TIA1: variants seen among roughly 807,000 people sequenced by gnomAD.
TIA1 encodes TIA1 cytotoxic granule associated RNA binding protein, also known as cytotoxic granule associated RNA binding protein TIA1.
Under a neutral mutation model 65.9 loss-of-function variants are expected in TIA1, and 23 were observed. The observed-to-expected ratio is 0.35, with a 90% CI of 0.25 to 0.49. The LOEUF is 0.49. TIA1 is among the 20% of genes least tolerant of loss of function. The pLI, the probability that TIA1 is intolerant of heterozygous loss-of-function variation, is 0.98. For missense variants in TIA1, 371 were observed against 477.9 expected (o/e 0.78, Z 2.09); for synonymous variants, 147 against 149.4 (o/e 0.98, Z 0.12).
At chr2:70,232,208 C>CAAAAAA (rs11427986) in intron 2 of TIA1, among the ~76,000 whole-genome samples, 2 of 63,908 alleles carry the variant, frequency 3.1e-5, no homozygotes, top group African/African-American at 6.6e-5. Flanking sequence ...GACTCTGTCT[C>CAAAAAA]AAAAAAAAAA....
intron 1 of TIA1, among the ~76,000 whole-genome samples, chr2:70,247,348 G>A (rs1316589599): frequency 6.6e-6 from 1 of 152,114 alleles, no homozygotes; most frequent in African/African-American, 2.4e-5. Flanking sequence ...CAATTACATC[G>A]TACTTCAGAG....
At chr2:70,238,429 C>G (rs929467053) in intron 1 of TIA1, among the ~76,000 whole-genome samples, 3 of 151,418 alleles carry the variant, frequency 2.0e-5, no homozygotes, top group Non-Finnish European at 1.5e-5. Context: ...CGCCACCACG[C>G]CCAGCTAATT....
chr2:70,220,170 G>C (rs1163929048), intron 7 of TIA1, among the ~76,000 whole-genome samples: 2 of 152,106 alleles, frequency 1.3e-5, no homozygotes, highest in East Asian at 3.8e-4. Flanking sequence ...CAGCACTTGG[G>C]AGGCCGAGGC....
chr2:70,242,424 G>A (rs1208567599), intron 1 of TIA1, among the ~76,000 whole-genome samples: 8 of 139,302 alleles, frequency 5.7e-5, no homozygotes, highest in Non-Finnish European at 1.2e-4. Context: ...ACCTGAACCC[G>A]GGAAGTGGAG....
rs1411030920 is a variant in TIA1, at chr2:70,224,092, A to G, written c.474+462T>C. Among the ~76,000 whole-genome samples the G allele has an allele frequency of 2.6e-5, 4 of 151,778 alleles. No individual in the cohort carries two copies. The East Asian group carries it at 7.8e-4, about 29-fold the overall frequency. ...GCCACCACGCCCGGATAATTTTTGT[A>G]TTTTTAGTAGAAACAGGGTTTCACC... On this transcript the variant is annotated intron_variant, in intron 7 of 12. Coordinates refer to ENST00000433529, the MANE Select transcript of TIA1 (RefSeq NM_022173.4).
At chr2:70,217,052 C>T in intron 7 of TIA1, 58 bp from the exon 8 acceptor site, 1 of 1,500,186 alleles carries the variant, frequency 6.7e-7, no homozygotes, top group Non-Finnish European at 8.9e-7. Context: ...TGTTAAACAA[C>T]TCTTAGCAGT....
chr2:70,230,925 A>AG (rs894853649), intron 2 of TIA1, 71 bp from the exon 3 acceptor site: 27 of 1,251,202 alleles, frequency 2.2e-5, no homozygotes, highest in Non-Finnish European at 2.7e-5. Flanking sequence ...ATGTAAAAAA[A>AG]AAAATCTTAA....
Position 70,216,494 on chromosome 2 carries a change from T to A in TIA1, c.589A>T (p.Thr197Ser), listed in dbSNP as rs1443782433. Residue 197 changes from threonine to serine, a missense_variant, in exon 9 of 13, where the codon ACC (threonine) becomes TCC (serine). Transcript: ENST00000433529. ...PAPKSTYESN[T>S]KQLSYDEVVN... ...ACCTCATCATATGATAGCTGTTTGG[T>A]ATTTGCTGGTGAGAGAAAAGGTTTA... is the stretch of plus-strand genomic sequence containing the variant. The A allele has an allele frequency of 6.2e-7, 1 of 1,612,826 alleles. No individual in the cohort carries two copies. Among genetic ancestry groups the A allele is most frequent in the African/African-American group, 1.3e-5 (1 of 74,878 alleles).
At chr2:70,224,716 T>C in intron 6 of TIA1, 87 bp from the exon 7 acceptor site, 1 of 1,541,936 alleles carries the variant, frequency 6.5e-7, no homozygotes, top group Non-Finnish European at 8.8e-7. Context: ...CATTCTCATG[T>C]TTCACCTTCA....
At chr2:70,230,667 AGTGTT>A in intron 3 of TIA1, 84 bp downstream of exon 3, 1 of 1,036,992 alleles carries the variant, frequency 9.6e-7, no homozygotes, top group Non-Finnish European at 1.4e-6. Context: ...AAAAAAAAAA[AGTGTT>A]TAATGTTTCT....
At position 70,212,726 on chromosome 2, in the gene TIA1, G is replaced by T. The variant is rs777946206; in HGVS notation, c.1154C>A (p.Thr385Asn). The T allele has an allele frequency of 4.3e-6, 7 of 1,609,292 alleles. No individual in the cohort carries two copies. The highest frequency in any genetic ancestry group is 6.0e-6 in the Non-Finnish European group (7 of 1,175,648). ...AGATTCTGGAGTCCTTATTCACTGG[G>T]TTTCATACCCTGCCACTCGATACCC... ...PSGYRVAGYE[T>N]Q Residue 385 changes from threonine (T) to asparagine (N), a missense_variant, in exon 13 of 13, where the codon ACC (threonine) becomes AAC (asparagine). Physicochemically the swap from Thr to Asn is moderately conservative, Grantham distance 65. Transcript: ENST00000433529.
intron 2 of TIA1, among the ~76,000 whole-genome samples, chr2:70,235,731 T>A (rs1688609246): frequency 6.6e-6 from 1 of 152,222 alleles, no homozygotes; most frequent in Non-Finnish European, 1.5e-5. Context: ...AGAGCTGAAT[T>A]TATTAGCCAA....
Position 70,212,142 on chromosome 2 carries a change from T to C in TIA1, c.*577A>G. On this transcript the variant is annotated 3_prime_UTR_variant, in exon 13 of 13. Coordinates refer to ENST00000433529, the MANE Select transcript of TIA1 (RefSeq NM_022173.4). ...CAGAACTTTAATAAGGCAAGACAAA[T>C]TTGTGAAAAAAGATGTAGATACAAA... The C allele has an allele frequency of 6.6e-6, 1 of 152,520 alleles. No individual in the cohort carries two copies. The highest frequency in any genetic ancestry group is 1.5e-5 in the Non-Finnish European group (1 of 68,024). The allele number at this position is 152,520 out of a possible 1,614,324, so 9.4% of individuals were successfully genotyped here.
In TIA1 at chr2:70,248,431, G is replaced by C; in HGVS notation, c.-1C>G. ...GAGTCTTGGGCATCTCGTCCTCCAT[G>C]GCTGCTGCTGTCGCGGCGGCGCCTC... is the stretch of plus-strand genomic sequence containing the variant. On this transcript the variant is annotated 5_prime_UTR_variant, in exon 1 of 13. Coordinates refer to ENST00000433529, the MANE Select transcript of TIA1 (RefSeq NM_022173.4). 6.2e-7 allele frequency: 1 copy of C among 1,600,790 alleles called. No individual in the cohort carries two copies.
At chr2:70,229,170 C>G in intron 4 of TIA1, 79 bp from the exon 5 acceptor site, 4 of 1,601,906 alleles carry the variant, frequency 2.5e-6, no homozygotes, top group Non-Finnish European at 3.4e-6. Context: ...ACGATCAAAA[C>G]ATTACTGCAA....
At chr2:70,237,265 G>A (rs1461859469) in intron 1 of TIA1, among the ~76,000 whole-genome samples, 1 of 152,130 alleles carries the variant, frequency 6.6e-6, no homozygotes, top group Non-Finnish European at 1.5e-5. Flanking sequence ...AGCCAGGCAT[G>A]GTGGTGCACA....
intron 7 of TIA1, among the ~76,000 whole-genome samples, chr2:70,222,663 C>A (rs1308381632): frequency 1.3e-5 from 2 of 152,186 alleles, no homozygotes; most frequent in Non-Finnish European, 2.9e-5. Flanking sequence ...CGCCTGTAAT[C>A]CCAGCACTCT....
At chr2:70,228,795 A>T (rs1420182496) in intron 5 of TIA1, 2 of 1,365,354 alleles carry the variant, frequency 1.5e-6, no homozygotes, top group African/African-American at 2.9e-5. Context: ...TCAAGAAAGG[A>T]GGGTATTTTG....
At chr2:70,248,315 G>C (rs779053256) in intron 1 of TIA1, 90 bp downstream of exon 1, 159 of 1,440,480 alleles carry the variant, frequency 1.1e-4, no homozygotes, top group Non-Finnish European at 1.4e-4. Flanking sequence ...GGTGTCCACG[G>C]AGAACAATAG....
Sources: gnomAD v4.1 joint callset for allele counts (sites outside exome capture counted in the v4.1 genomes callset) on GRCh38, gnomAD v4.1.1 for gene constraint, MANE v1.5 for transcripts, NCBI Gene and HGNC (gene_info 2026-07-23, HGNC 2026-07-21) for gene names.